The following ADAMTSL1 variants were observed in gnomAD, a reference collection of about 807,000 sequenced individuals.
ADAMTSL1 encodes the protein ADAMTS like 1.
In ADAMTSL1, 126 loss-of-function variants were observed where a neutral mutation model predicts 201.8. The observed-to-expected ratio is 0.62, with a 90% CI of 0.54 to 0.72. The LOEUF is 0.72. Among genes scored for constraint, ADAMTSL1 ranks in the 30% least tolerant of loss-of-function variants. The pLI is 0.00. For synonymous variants in ADAMTSL1, 1,121 were observed against 903.4 expected, an observed-to-expected ratio of 1.24 and a Z score of -4.32; for missense variants, 2,679 against 2,277.8, an observed-to-expected ratio of 1.18 and a Z score of -3.59.
chr9:18,473,128 A>G (rs912680027), upstream of ADAMTSL1, among the ~76,000 whole-genome samples: 6 of 152,182 alleles, frequency 3.9e-5, no homozygotes, highest in Admixed American at 1.3e-4. Context: ...TAGTGGATGG[A>G]AAAATGAGGT....
chr9:18,577,165 G>A (rs1003721802), intron 4 of ADAMTSL1, among the ~76,000 whole-genome samples: 8 of 152,102 alleles, frequency 5.3e-5, no homozygotes, highest in African/African-American at 1.4e-4. Context: ...TTACAGATTG[G>A]AAAGCAGACA....
At position 18,120,441 on chromosome 9, in the gene ADAMTSL1, G is replaced by C. The variant is rs141805171; in HGVS notation, c.88-43421G>C. Among the ~76,000 whole-genome samples the C allele has an allele frequency of 2.7e-3, 407 of 152,314 alleles. 1 individual carries two copies. The highest frequency in any genetic ancestry group is 4.9e-3 in the Non-Finnish European group (330 of 68,028). On this transcript the variant is annotated intron_variant, in intron 1 of 29. Coordinates refer to the ADAMTSL1 transcript ENST00000680146. ...GAATGGAGGAGGTGTCAGGACTAGA[G>C]GTAGGAATTGTTGGGGGGGACCCTG... is the stretch of plus-strand genomic sequence containing the variant.
intron 20 of ADAMTSL1, among the ~76,000 whole-genome samples, chr9:18,798,540 G>C (rs1286609319): frequency 1.3e-5 from 2 of 152,208 alleles, no homozygotes; most frequent in Admixed American, 1.3e-4. Context: ...TACAGTGGGA[G>C]AGACTCCTTT....
intron 2 of ADAMTSL1, among the ~76,000 whole-genome samples, chr9:18,204,071 A>G (rs936656449): frequency 5.9e-5 from 9 of 152,200 alleles, no homozygotes; most frequent in South Asian, 4.1e-4. Context: ...AGAACATATC[A>G]TAAAACTAAT....
chr9:17,936,354 A>G (rs1262551674), intron 1 of ADAMTSL1, among the ~76,000 whole-genome samples: 1 of 152,140 alleles, frequency 6.6e-6, no homozygotes, highest in Non-Finnish European at 1.5e-5. Flanking sequence ...CCATTGAGGT[A>G]GAAGATTGCA....
Position 18,009,265 on chromosome 9 carries a change from T to C in ADAMTSL1, c.87+102343T>C, listed in dbSNP as rs1324898292. Among the ~76,000 whole-genome samples, 26 of 152,048 alleles carry C rather than the reference T, an allele frequency of 1.7e-4. 1 individual carries two copies. The highest frequency in any genetic ancestry group is 1.7e-3 in the Admixed American group (26 of 15,224). On this transcript the variant is annotated intron_variant, in intron 1 of 29. Transcript: ENST00000680146. Reference sequence around the variant, plus strand: ...TCTGTCTTCCTTTACAACTCAATGTTTCCATCATCTCTTTCAGGAGGCTTA... The same window carrying C: ...TCTGTCTTCCTTTACAACTCAATGTCTCCATCATCTCTTTCAGGAGGCTTA...
intron 4 of ADAMTSL1, among the ~76,000 whole-genome samples, chr9:18,621,997 C>G (rs66470044): frequency 0.1 from 15,397 of 152,116 alleles, 840 homozygotes; most frequent in Non-Finnish European, 0.12. Flanking sequence ...TCCCTATTCT[C>G]TCTCATTCTC....
intron 13 of ADAMTSL1, among the ~76,000 whole-genome samples, chr9:18,689,338 CA>C (rs1486252538): frequency 6.6e-6 from 1 of 152,012 alleles, no homozygotes; most frequent in Non-Finnish European, 1.5e-5. Flanking sequence ...AAAAATGATA[CA>C]ATGATGATCC....
At chr9:18,009,928 G>A (rs2131553421) in intron 1 of ADAMTSL1, among the ~76,000 whole-genome samples, 1 of 152,094 alleles carries the variant, frequency 6.6e-6, no homozygotes, top group South Asian at 2.1e-4. Context: ...ACATTTAGAA[G>A]ATAGAAGACA....
chr9:18,581,004 C>T (rs1823058054), intron 4 of ADAMTSL1, among the ~76,000 whole-genome samples: 2 of 151,860 alleles, frequency 1.3e-5, no homozygotes, highest in Admixed American at 6.6e-5. Flanking sequence ...AATTCCTTTA[C>T]ATGGTGGCTT....
intron 1 of ADAMTSL1, among the ~76,000 whole-genome samples, chr9:17,980,928 G>T (rs1818664813): frequency 6.6e-6 from 1 of 151,988 alleles, no homozygotes; most frequent in African/African-American, 2.4e-5. Context: ...GATCAAACTG[G>T]GGGAGAGAGG....
intron 2 of ADAMTSL1, among the ~76,000 whole-genome samples, chr9:18,300,540 G>A (rs12686006): frequency 0.13 from 20,166 of 152,048 alleles, 1,426 homozygotes; most frequent in South Asian, 0.2. Flanking sequence ...CAGCAAACCA[G>A]CATGGTACAC....
chr9:18,531,319 G>C (rs1335206533), intron 2 of ADAMTSL1, among the ~76,000 whole-genome samples: 1 of 152,216 alleles, frequency 6.6e-6, no homozygotes, highest in Admixed American at 6.5e-5. Flanking sequence ...TGGATGAGCT[G>C]AATAATCATC....
intron 1 of ADAMTSL1, among the ~76,000 whole-genome samples, chr9:17,943,719 A>G (rs1214498823): frequency 1.3e-5 from 2 of 152,048 alleles, no homozygotes; most frequent in East Asian, 3.9e-4. Flanking sequence ...ATTAAATTCT[A>G]TTAGTATCTG....
chr9:18,679,250 A>G (rs930359870), intron 10 of ADAMTSL1, among the ~76,000 whole-genome samples: 2 of 152,216 alleles, frequency 1.3e-5, no homozygotes, highest in African/African-American at 4.8e-5. Context: ...GGATCAACCC[A>G]GTGACATTTT....
intron 7 of ADAMTSL1, among the ~76,000 whole-genome samples, chr9:18,652,751 T>A (rs1294938631): frequency 2.0e-5 from 3 of 152,192 alleles, no homozygotes; most frequent in Non-Finnish European, 4.4e-5. Flanking sequence ...CAACTTAAGA[T>A]GGGTTTATCA....
chr9:17,929,673 C>T (rs1826700243), intron 1 of ADAMTSL1, among the ~76,000 whole-genome samples: 2 of 152,130 alleles, frequency 1.3e-5, no homozygotes, highest in Admixed American at 6.6e-5. Context: ...GCCTGGAGGT[C>T]TCTTTCCTTT....
intron 2 of ADAMTSL1, among the ~76,000 whole-genome samples, chr9:18,189,131 G>A (rs1005811382): frequency 3.7e-4 from 56 of 152,232 alleles, no homozygotes; most frequent in African/African-American, 1.3e-3. Context: ...GGAGACAGGC[G>A]TTAAGAGGAA....
chr9:18,690,695 T>A (rs773794850), intron 13 of ADAMTSL1, among the ~76,000 whole-genome samples: 4 of 152,210 alleles, frequency 2.6e-5, no homozygotes, highest in Non-Finnish European at 5.9e-5. Flanking sequence ...AACTGGCATA[T>A]GGTAGAGGTA....
Sources: gnomAD v4.1 joint callset for allele counts (sites outside exome capture counted in the v4.1 genomes callset) on GRCh38, gnomAD v4.1.1 for gene constraint, MANE v1.5 for transcripts, NCBI Gene and HGNC (gene_info 2026-07-23, HGNC 2026-07-21) for gene names.